KLF12: variants seen among roughly 807,000 people sequenced by gnomAD.
The protein encoded by KLF12 is KLF transcription factor 12.
In KLF12, 9 loss-of-function variants were observed where a neutral mutation model predicts 37.8. The ratio of observed to expected loss-of-function variants is 0.24; its 90% CI spans 0.14 to 0.42. The LOEUF (loss-of-function observed/expected upper bound fraction) is 0.42. KLF12 is among the 10% of genes least tolerant of loss of function. The probability of loss-of-function intolerance (pLI) is 1.00; values close to 1 mark genes in which losing one functional copy is unlikely to be tolerated. For synonymous variants in KLF12, 208 were observed against 202.1 expected (o/e 1.03, Z -0.25); for missense variants, 411 against 516.0 (o/e 0.80, Z 1.97).
intron 6 of KLF12, among the ~76,000 whole-genome samples, chr13:73,753,949 T>A (rs1878967177): frequency 6.6e-6 from 1 of 152,042 alleles, no homozygotes; most frequent in African/African-American, 2.4e-5. Context: ...TTTGGAGCCC[T>A]TTTCTCCTTG....
intron 1 of KLF12, among the ~76,000 whole-genome samples, chr13:74,072,237 G>A (rs1191336825): frequency 1.3e-5 from 2 of 151,378 alleles, no homozygotes; most frequent in Non-Finnish European, 2.9e-5. Context: ...ACTTAATGGA[G>A]TGTCTGGAAT....
chr13:73,699,993 C>T (rs1000742251), intron 7 of KLF12, among the ~76,000 whole-genome samples: 3 of 152,024 alleles, frequency 2.0e-5, no homozygotes, highest in Non-Finnish European at 4.4e-5. Context: ...AGGCCAGATG[C>T]GGTGGTTCAT....
At chr13:73,941,653 C>T (rs937741877) in intron 3 of KLF12, among the ~76,000 whole-genome samples, 3 of 152,112 alleles carry the variant, frequency 2.0e-5, no homozygotes, top group African/African-American at 7.2e-5. Flanking sequence ...ATGAAAGTCA[C>T]CAAAATTCTA....
At chr13:73,748,325 C>T (rs947467451) in intron 6 of KLF12, among the ~76,000 whole-genome samples, 1 of 152,094 alleles carries the variant, frequency 6.6e-6, no homozygotes. Context: ...GACCTTTAAT[C>T]TGAATTAACA....
chr13:73,893,617 G>A (rs1040752180), intron 3 of KLF12, among the ~76,000 whole-genome samples: 1 of 151,976 alleles, frequency 6.6e-6, no homozygotes, highest in Non-Finnish European at 1.5e-5. Flanking sequence ...CCTGACCTCA[G>A]GTGATCTGCT....
chr13:74,032,791 T>A (rs746510198), intron 1 of KLF12, among the ~76,000 whole-genome samples: 7 of 152,208 alleles, frequency 4.6e-5, no homozygotes, highest in Non-Finnish European at 8.8e-5. Context: ...TCTTCTTTGC[T>A]GCTGGCAGTG....
intron 1 of KLF12, among the ~76,000 whole-genome samples, chr13:74,100,137 T>C (rs559526514): frequency 1.3e-5 from 2 of 152,102 alleles, no homozygotes; most frequent in East Asian, 3.9e-4. Context: ...GAGGAGATGG[T>C]AACAGGCAGA....
At chr13:74,120,436 C>T (rs961831168) in intron 1 of KLF12, among the ~76,000 whole-genome samples, 2 of 151,906 alleles carry the variant, frequency 1.3e-5, no homozygotes, top group African/African-American at 2.4e-5. Context: ...GCTGAGGCTG[C>T]GTCACTGCAC....
the KLF12 span, among the ~76,000 whole-genome samples, chr13:74,297,145 G>A: frequency 6.6e-6 from 1 of 151,960 alleles, no homozygotes; most frequent in Non-Finnish European, 1.5e-5. Flanking sequence ...GGGCCTATAG[G>A]GTTTCTGTAT....
intron 6 of KLF12, among the ~76,000 whole-genome samples, 182 bp downstream of exon 6, chr13:73,764,756 G>A (rs140585573): frequency 1.8e-4 from 27 of 152,246 alleles, no homozygotes; most frequent in African/African-American, 5.5e-4. Context: ...AAGAGTTTGG[G>A]CTGGAAAGGA....
In KLF12 at chr13:73,805,385, C is replaced by T. The variant is rs115361719; in HGVS notation, c.806+7767G>A. The stretch of plus-strand genomic sequence containing the variant: ...CTACAATCCCAACATTTTGGGACAC[C>T]GAGGCAGGGGGGTCACTTGAGCCCA... On this transcript the variant is annotated intron_variant, in intron 5 of 7. Transcript: ENST00000377669. 5.9e-3 allele frequency among the ~76,000 whole-genome samples: 895 copies of T among 151,814 alleles called. 9 individuals are homozygous for T. The highest frequency in any genetic ancestry group is 0.021 in the African/African-American group (852 of 41,364).
At chr13:73,796,415 C>G (rs1210890152) in intron 5 of KLF12, among the ~76,000 whole-genome samples, 2 of 151,846 alleles carry the variant, frequency 1.3e-5, no homozygotes, top group South Asian at 4.2e-4. Context: ...TTTTATTCTT[C>G]TGGAACCTCA....
chr13:74,029,619 A>G (rs767054443), intron 1 of KLF12, among the ~76,000 whole-genome samples: 5 of 152,078 alleles, frequency 3.3e-5, no homozygotes, highest in Non-Finnish European at 7.4e-5. Flanking sequence ...TTAGGCATCC[A>G]GGGTACCTAG....
the KLF12 span, among the ~76,000 whole-genome samples, chr13:74,153,874 A>T: frequency 1.3e-5 from 2 of 152,234 alleles, no homozygotes; most frequent in South Asian, 4.1e-4. Flanking sequence ...TTTCAAGTTT[A>T]AGTGAAATGG....
chr13:73,937,651 T>C (rs540115528), intron 3 of KLF12, among the ~76,000 whole-genome samples: 103 of 152,254 alleles, frequency 6.8e-4, no homozygotes, highest in African/African-American at 2.3e-3. Context: ...AGTACATTGC[T>C]AAAGGGAAGA....
chr13:74,128,908 G>T (rs1247589754), intron 1 of KLF12, among the ~76,000 whole-genome samples: 1 of 151,688 alleles, frequency 6.6e-6, no homozygotes, highest in Non-Finnish European at 1.5e-5. Context: ...TCTTGTGTAT[G>T]GTGTGTGTGG....
intron 7 of KLF12, among the ~76,000 whole-genome samples, chr13:73,713,956 AATC>A (rs1289809981): frequency 6.6e-6 from 1 of 152,230 alleles, no homozygotes; most frequent in African/African-American, 2.4e-5. Flanking sequence ...AATATGGTCT[AATC>A]ATACTTCCTG....
chr13:73,941,629 C>A (rs925036632), intron 3 of KLF12, among the ~76,000 whole-genome samples: 6 of 152,122 alleles, frequency 3.9e-5, no homozygotes, highest in African/African-American at 1.4e-4. Flanking sequence ...AAAAACCCAG[C>A]AAAGTGGCCA....
At chr13:74,079,627 A>G (rs1419799160) in intron 1 of KLF12, among the ~76,000 whole-genome samples, 1 of 152,212 alleles carries the variant, frequency 6.6e-6, no homozygotes, top group Non-Finnish European at 1.5e-5. Context: ...TCTTGCTGAG[A>G]TAGCGCTTCA....
Sources: allele counts gnomAD v4.1 joint callset (sites outside exome capture counted in the v4.1 genomes callset), GRCh38; gene constraint gnomAD v4.1.1; transcripts MANE v1.5; gene names NCBI Gene and HGNC (gene_info 2026-07-23, HGNC 2026-07-21).